LGI2: variants seen among roughly 807,000 people sequenced by gnomAD.
The protein encoded by LGI2 is leucine rich repeat LGI family member 2.
In LGI2, 30 loss-of-function variants were observed where a neutral mutation model predicts 52.0. That is an observed-to-expected ratio of 0.58 (90% CI 0.43 to 0.78). The LOEUF (loss-of-function observed/expected upper bound fraction) is 0.78. Ranked by LOEUF, LGI2 falls within the 30% of genes least tolerant of loss-of-function variation. The pLI, the probability that LGI2 is intolerant of heterozygous loss-of-function variation, is 0.00. For missense variants in LGI2, 573 were observed against 692.5 expected, an observed-to-expected ratio of 0.83 and a Z score of 1.94; for synonymous variants, 270 against 271.8, an observed-to-expected ratio of 0.99 and a Z score of 0.06.
chr4:25,026,905 C>G lies in LGI2; in HGVS notation c.304G>C (p.Asp102His). 6.2e-7 allele frequency: 1 copy of G among 1,613,844 alleles called. No individual in the cohort carries two copies. The highest frequency in any genetic ancestry group is 8.5e-7 in the Non-Finnish European group (1 of 1,179,742). ...LNSNSFTIIR[D>H]DAFAGLFHLE... ...TGAAAAAGTCCAGCAAAAGCATCAT[C>G]CCGGATGATCGTGAATGAGTTAGAA... The change falls in exon 3 of 8, where the codon GAT (aspartate) becomes CAT (histidine). Residue 102 changes from aspartate to histidine, a missense_variant. Physicochemically the swap from Asp to His is moderately conservative, Grantham distance 81. Transcript: ENST00000382114.
intron 6 of LGI2, 68 bp from the exon 7 acceptor site, chr4:25,012,567 C>T: frequency 6.5e-7 from 1 of 1,528,518 alleles, no homozygotes; most frequent in Non-Finnish European, 9.0e-7. Context: ...ACCACCATCA[C>T]CGTTCCATCA....
rs1434267005 is a variant in LGI2 at position 25,030,940 on chromosome 4, C to G, written c.-247G>C. On this transcript the variant is annotated 5_prime_UTR_variant, in exon 1 of 8. Coordinates refer to ENST00000382114, the MANE Select transcript of LGI2 (RefSeq NM_018176.4). ...CCGCCGCCGCTGCGCCCGCCGCACT[C>G]GCGCCTGCCTGACATCAGCACTCGC... 3 of 154,888 alleles carry G rather than the reference C, an allele frequency of 1.9e-5. No homozygotes were observed. The highest frequency in any genetic ancestry group is 3.8e-4 in the East Asian group (2 of 5,276). The allele number at this position is 154,888 out of a possible 1,614,324, so 9.6% of individuals were successfully genotyped here.
rs1180964474 is a variant in LGI2 at position 24,999,049 on chromosome 4, T to C, written c.*4402A>G. On this transcript the variant is annotated 3_prime_UTR_variant, in exon 8 of 8. Coordinates refer to ENST00000382114, the MANE Select transcript of LGI2 (RefSeq NM_018176.4). ...ACCTAGGTTATGCACTTAAAATACA[T>C]ACAAATGGTACCAAATAGCATATTG... The C allele has an allele frequency of 1.3e-5, 2 of 152,214 alleles. No individual in the cohort carries two copies. Among genetic ancestry groups the C allele is most frequent in the African/African-American group, 2.4e-5 (1 of 41,466 alleles). 9.4% of individuals were successfully genotyped at this position (152,214 alleles called of 1,614,324 possible). A position where few individuals can be genotyped will look rare whatever the true frequency, so the allele number is the denominator to read the frequency against.
intron 4 of LGI2, among the ~76,000 whole-genome samples, chr4:25,023,472 C>T (rs2109423655): frequency 6.6e-6 from 1 of 152,322 alleles, no homozygotes; most frequent in African/African-American, 2.4e-5. Flanking sequence ...CATCTCCTTA[C>T]CCGATAGGCT....
chr4:24,994,680 A>G (rs578051727), downstream of LGI2, among the ~76,000 whole-genome samples: 1 of 152,268 alleles, frequency 6.6e-6, no homozygotes, highest in South Asian at 2.1e-4. Flanking sequence ...ATCTACATGC[A>G]GATAATAAGC....
intron 4 of LGI2, among the ~76,000 whole-genome samples, chr4:25,024,252 G>A (rs570841401): frequency 2.0e-5 from 3 of 152,284 alleles, no homozygotes; most frequent in Non-Finnish European, 4.4e-5. Flanking sequence ...GGTGGCTCAC[G>A]CCTGTAATCC....
downstream of LGI2, among the ~76,000 whole-genome samples, chr4:24,997,273 T>C (rs1725107467): frequency 6.6e-6 from 1 of 152,212 alleles, no homozygotes; most frequent in South Asian, 2.1e-4. Context: ...ATTTAGTCTC[T>C]GAGACACAGA....
chr4:24,998,217 A>G (rs960516467), downstream of LGI2, among the ~76,000 whole-genome samples: 5 of 152,160 alleles, frequency 3.3e-5, no homozygotes, highest in African/African-American at 7.2e-5. Flanking sequence ...TGTTGACTAT[A>G]GCATCATGCA....
At chr4:25,024,597 C>T (rs1440720275) in intron 4 of LGI2, among the ~76,000 whole-genome samples, 1 of 152,216 alleles carries the variant, frequency 6.6e-6, no homozygotes, top group East Asian at 1.9e-4. Context: ...CCCACACAGT[C>T]ATGTGGCCTA....
At chr4:25,014,853 A>AAG (rs1367903768) in intron 6 of LGI2, among the ~76,000 whole-genome samples, 40 of 99,764 alleles carry the variant, frequency 4.0e-4, no homozygotes, top group African/African-American at 1.4e-3. Flanking sequence ...AAAAAAAAAA[A>AAG]AGAGAGAGAG....
chr4:25,022,359 G>C (rs1725997736), intron 4 of LGI2, among the ~76,000 whole-genome samples: 1 of 152,212 alleles, frequency 6.6e-6, no homozygotes, highest in Non-Finnish European at 1.5e-5. Context: ...GTGAGGAAAA[G>C]CAGTGGGATG....
intron 7 of LGI2, among the ~76,000 whole-genome samples, chr4:25,009,537 C>T (rs1725508850): frequency 6.6e-6 from 1 of 152,168 alleles, no homozygotes. Flanking sequence ...TTTTTAAATA[C>T]TACAATTATT....
Position 25,003,908 on chromosome 4 carries a change from T to C in LGI2, c.1181A>G (p.Gln394Arg). 3.7e-6 allele frequency: 6 copies of C among 1,614,184 alleles called. No individual in the cohort carries two copies. Among genetic ancestry groups the C allele is most frequent in the Non-Finnish European group, 4.2e-6 (5 of 1,180,032 alleles). ...ATTCCACTGGAGGATGATGGGGACC[T>C]GGGAGCGGCTGGACAGGATGAGATG... ...KSHLILSSRS[Q>R]VPIILQWNKS... The change falls in exon 8 of 8, where the codon CAG becomes CGG. Residue 394 changes from glutamine (Q) to arginine (R), a missense_variant. By Grantham distance (43) the Gln-to-Arg change is conservative (BLOSUM62 1). Coordinates refer to ENST00000382114, the MANE Select transcript of LGI2 (RefSeq NM_018176.4).
At chr4:25,009,567 T>C (rs1443994197) in intron 7 of LGI2, among the ~76,000 whole-genome samples, 1 of 152,210 alleles carries the variant, frequency 6.6e-6, no homozygotes, top group Non-Finnish European at 1.5e-5. Flanking sequence ...ATTATTACAA[T>C]ACGAATATTC....
intron 7 of LGI2, among the ~76,000 whole-genome samples, chr4:25,007,364 G>A (rs1424729972): frequency 1.3e-5 from 2 of 152,110 alleles, no homozygotes; most frequent in Non-Finnish European, 2.9e-5. Flanking sequence ...CTTCAAAAGC[G>A]GCATTGATTT....
In LGI2 at chr4:25,000,043, C is replaced by T. The variant is rs1052581823; in HGVS notation, c.*3408G>A. On this transcript the variant is annotated 3_prime_UTR_variant, in exon 8 of 8. Coordinates refer to ENST00000382114, the MANE Select transcript of LGI2 (RefSeq NM_018176.4). ...AAAACTATCCAAAATTTCTGGACCA[C>T]TTTCAAGAGTGGGGCCTTGAATGTA... The T allele has an allele frequency of 1.0e-5, 3 of 298,448 alleles. No individual in the cohort carries two copies. The highest frequency in any genetic ancestry group is 2.0e-5 in the Non-Finnish European group (3 of 149,928). 18.5% of individuals were successfully genotyped at this position (298,448 alleles called of 1,614,324 possible).
intron 4 of LGI2, among the ~76,000 whole-genome samples, chr4:25,021,714 G>A (rs1454136914): frequency 2.6e-5 from 4 of 152,100 alleles, no homozygotes; most frequent in African/African-American, 7.2e-5. Context: ...GGTGGATCAT[G>A]AGGTCAGGAG....
chr4:25,023,167 T>C (rs931565243), intron 4 of LGI2, among the ~76,000 whole-genome samples: 27 of 152,204 alleles, frequency 1.8e-4, no homozygotes, highest in African/African-American at 6.0e-4. Flanking sequence ...TAACCTTTTA[T>C]GTACAGCAAT....
chr4:24,995,847 G>A (rs1725059805), downstream of LGI2, among the ~76,000 whole-genome samples: 2 of 152,190 alleles, frequency 1.3e-5, no homozygotes, highest in Admixed American at 6.5e-5. Context: ...ATTTACAACA[G>A]CAAGAATAAA....
Sources: allele counts gnomAD v4.1 joint callset (sites outside exome capture counted in the v4.1 genomes callset), GRCh38; gene constraint gnomAD v4.1.1; transcripts MANE v1.5; gene names NCBI Gene and HGNC (gene_info 2026-07-23, HGNC 2026-07-21).